The following MGAT4C variants were observed in gnomAD, a reference collection of about 807,000 sequenced individuals.
MGAT4C encodes alpha-1,3-mannosyl-glycoprotein 4-beta-N-acetylglucosaminyltransferase C.
In MGAT4C, 19 loss-of-function variants were observed where a neutral mutation model predicts 40.1. That is an observed-to-expected ratio of 0.47 (90% CI 0.33 to 0.70). The LOEUF (loss-of-function observed/expected upper bound fraction) is 0.70, where lower values mean the gene tolerates loss of function less well. Among genes scored for constraint, MGAT4C ranks in the 30% least tolerant of loss-of-function variants. MGAT4C has a pLI of 0.02. For missense variants in MGAT4C, 491 were observed against 563.2 expected (o/e 0.87, Z 1.30); for synonymous variants, 181 against 187.1 (o/e 0.97, Z 0.27).
At chr12:86,758,375 CTT>C (rs55666476) in intron 1 of MGAT4C, among the ~76,000 whole-genome samples, 434 of 122,456 alleles carry the variant, frequency 3.5e-3, no homozygotes, top group East Asian at 8.3e-3. Flanking sequence ...TGTCCGAATC[CTT>C]TTTTTTTTTT....
chr12:86,074,524 A>G (rs1417658853), intron 1 of MGAT4C, among the ~76,000 whole-genome samples: 1 of 152,202 alleles, frequency 6.6e-6, no homozygotes, highest in Admixed American at 6.5e-5. Context: ...CACTCTATGT[A>G]AAACTCTTCT....
At chr12:86,585,992 C>T (rs1465436661) in intron 2 of MGAT4C, among the ~76,000 whole-genome samples, 1 of 150,260 alleles carries the variant, frequency 6.7e-6, no homozygotes, top group Non-Finnish European at 1.5e-5. Context: ...GGTACATGTG[C>T]ACAATGTGCA....
chr12:86,113,060 A>T (rs977979046), intron 1 of MGAT4C, among the ~76,000 whole-genome samples: 1 of 151,814 alleles, frequency 6.6e-6, no homozygotes, highest in Non-Finnish European at 1.5e-5. Context: ...TGAAACAGTG[A>T]GATCCTGGCC....
chr12:86,354,467 T>G (rs1460296827), intron 3 of MGAT4C, among the ~76,000 whole-genome samples: 1 of 152,170 alleles, frequency 6.6e-6, no homozygotes, highest in Non-Finnish European at 1.5e-5. Flanking sequence ...AAGCAGATAT[T>G]ATAAATGCGT....
chr12:86,673,603 CATGTT>C (rs1324959339), intron 2 of MGAT4C, among the ~76,000 whole-genome samples: 4 of 152,196 alleles, frequency 2.6e-5, no homozygotes, highest in South Asian at 4.2e-4. Context: ...TTTTGCTACT[CATGTT>C]AGGTGATTAA....
chr12:86,548,231 G>T (rs965434373), intron 2 of MGAT4C, among the ~76,000 whole-genome samples: 1 of 151,880 alleles, frequency 6.6e-6, no homozygotes, highest in Non-Finnish European at 1.5e-5. Context: ...AGAAACTGAA[G>T]ATATTTCCTT....
At position 86,827,427 on chromosome 12, in the gene MGAT4C, T is replaced by C. The variant is rs1952829653; in HGVS notation, c.-262+11239A>G. 1.3e-5 allele frequency among the ~76,000 whole-genome samples: 2 copies of C among 151,556 alleles called. 1 individual carries two copies. Among genetic ancestry groups the C allele is most frequent in the South Asian group, 4.1e-4 (2 of 4,828 alleles). On this transcript the variant is annotated intron_variant, in intron 1 of 7. Transcript: ENST00000548651. ...TGAGTTTTTCTCAATAGTATTTTTCTGTAAACAAAATATCTGTTGGATATT... is the reference window on the plus strand; with the variant it reads ...TGAGTTTTTCTCAATAGTATTTTTCCGTAAACAAAATATCTGTTGGATATT...
At chr12:86,434,324 T>C (rs1484857359) in intron 3 of MGAT4C, among the ~76,000 whole-genome samples, 1 of 151,960 alleles carries the variant, frequency 6.6e-6, no homozygotes, top group Non-Finnish European at 1.5e-5. Flanking sequence ...TTAAAAGCTA[T>C]AAATTTCCAT....
chr12:86,222,146 A>G (rs761089172), intron 1 of MGAT4C, among the ~76,000 whole-genome samples: 2 of 152,200 alleles, frequency 1.3e-5, no homozygotes. Context: ...TCTCTGAGAA[A>G]GAAAAGTATG....
intron 2 of MGAT4C, among the ~76,000 whole-genome samples, chr12:86,517,052 G>A (rs1318778709): frequency 6.6e-6 from 1 of 152,148 alleles, no homozygotes; most frequent in East Asian, 1.9e-4. Flanking sequence ...GTGTTAGCAA[G>A]GATGTGGATA....
At chr12:86,798,632 C>G (rs1219006424) in intron 1 of MGAT4C, among the ~76,000 whole-genome samples, 1 of 151,806 alleles carries the variant, frequency 6.6e-6, no homozygotes, top group Non-Finnish European at 1.5e-5. Context: ...TGCAGGTGCT[C>G]AATACCTACA....
intron 1 of MGAT4C, among the ~76,000 whole-genome samples, chr12:86,105,118 C>A (rs1875912107): frequency 6.6e-6 from 1 of 152,070 alleles, no homozygotes; most frequent in South Asian, 2.1e-4. Flanking sequence ...CATATCAAGG[C>A]AAATGGTAAA....
intron 2 of MGAT4C, among the ~76,000 whole-genome samples, chr12:86,008,140 C>A (rs1888086589): frequency 1.3e-5 from 2 of 151,968 alleles, no homozygotes; most frequent in South Asian, 4.1e-4. Flanking sequence ...TTGACAAAAA[C>A]AATCTAGAAT....
chr12:86,413,289 G>A (rs540717406), intron 3 of MGAT4C, among the ~76,000 whole-genome samples: 2 of 152,266 alleles, frequency 1.3e-5, no homozygotes, highest in East Asian at 1.9e-4. Flanking sequence ...GCTCTTCTGG[G>A]TTTCAGCTAA....
chr12:86,420,643 T>TA (rs148981253), intron 3 of MGAT4C, among the ~76,000 whole-genome samples: 419 of 152,080 alleles, frequency 2.8e-3, no homozygotes, highest in Admixed American at 5.5e-3. Context: ...CTTTGAGATG[T>TA]ATAACAACTT....
intron 2 of MGAT4C, among the ~76,000 whole-genome samples, chr12:86,490,738 C>CA (rs1288765265): frequency 1.3e-5 from 2 of 150,792 alleles, no homozygotes; most frequent in Admixed American, 6.6e-5. Context: ...AAATGGAAAA[C>CA]AAAAAAAAGG....
At chr12:86,552,524 TTA>T (rs986766443) in intron 2 of MGAT4C, among the ~76,000 whole-genome samples, 1 of 152,116 alleles carries the variant, frequency 6.6e-6, no homozygotes, top group African/African-American at 2.4e-5. Context: ...AGGGAATATA[TTA>T]AATTTTCTGA....
chr12:86,776,751 C>T (rs960202598), intron 1 of MGAT4C, among the ~76,000 whole-genome samples: 7 of 151,840 alleles, frequency 4.6e-5, no homozygotes, highest in South Asian at 4.1e-4. Context: ...ATGTATGAAA[C>T]GATCTAGTAT....
At chr12:86,573,243 G>T (rs1960437002) in intron 2 of MGAT4C, among the ~76,000 whole-genome samples, 1 of 151,798 alleles carries the variant, frequency 6.6e-6, no homozygotes, top group South Asian at 2.1e-4. Flanking sequence ...AATTATTTAA[G>T]GTTTTACTTG....
Sources: allele counts gnomAD v4.1 joint callset (sites outside exome capture counted in the v4.1 genomes callset), GRCh38; gene constraint gnomAD v4.1.1; transcripts MANE v1.5; gene names NCBI Gene and HGNC (gene_info 2026-07-23, HGNC 2026-07-21).